The following LPAR1 variants were observed in gnomAD, a reference collection of about 807,000 sequenced individuals.
LPAR1 encodes LPA receptor 1.
Under a neutral mutation model 23.8 loss-of-function variants are expected in LPAR1, and 5 were observed. The ratio of observed to expected loss-of-function variants is 0.21; its 90% CI spans 0.11 to 0.44. The LOEUF (loss-of-function observed/expected upper bound fraction) is 0.44, where lower values mean the gene tolerates loss of function less well. LPAR1 is among the 20% of genes least tolerant of loss of function. The pLI is 0.99. For missense variants in LPAR1, 311 were observed against 482.8 expected (o/e 0.64, Z 3.33); for synonymous variants, 160 against 164.7 (o/e 0.97, Z 0.22).
At chr9:110,974,432 G>A (rs1435537110) in intron 2 of LPAR1, among the ~76,000 whole-genome samples, 4 of 152,186 alleles carry the variant, frequency 2.6e-5, no homozygotes, top group Admixed American at 2.6e-4. Context: ...CTGGGCAAAT[G>A]AGGAGCTCAG....
At chr9:110,934,434 A>T (rs2135839681) in intron 5 of LPAR1, 1 of 152,346 alleles carries the variant, frequency 6.6e-6, no homozygotes, top group East Asian at 1.9e-4. Context: ...GACGTGTACA[A>T]CTAATTGATT....
chr9:111,031,759 G>A (rs542040834), intron 2 of LPAR1, among the ~76,000 whole-genome samples: 2 of 152,192 alleles, frequency 1.3e-5, no homozygotes, highest in South Asian at 2.1e-4. Flanking sequence ...ACACAGCTAT[G>A]TCTATCTCTA....
intron 2 of LPAR1, among the ~76,000 whole-genome samples, chr9:111,020,920 T>G (rs2097548521): frequency 6.6e-6 from 1 of 152,228 alleles, no homozygotes; most frequent in South Asian, 2.1e-4. Flanking sequence ...AATATTTTAC[T>G]ATGAATGAGG....
chr9:110,986,046 G>A (rs2096774529), intron 2 of LPAR1, among the ~76,000 whole-genome samples: 1 of 152,086 alleles, frequency 6.6e-6, no homozygotes, highest in Admixed American at 6.6e-5. Context: ...CTCTTGAAAA[G>A]TAGAACTCTA....
intron 1 of LPAR1, among the ~76,000 whole-genome samples, chr9:111,037,481 C>T (rs2097915273): frequency 6.6e-6 from 1 of 152,244 alleles, no homozygotes; most frequent in South Asian, 2.1e-4. Context: ...AATCCATTCA[C>T]CACAAAGGAG....
intron 2 of LPAR1, among the ~76,000 whole-genome samples, chr9:110,978,783 A>G (rs2096610704): frequency 6.6e-6 from 1 of 152,218 alleles, no homozygotes; most frequent in Admixed American, 6.6e-5. Flanking sequence ...TAGGTTTAAC[A>G]ATAGTAACAT....
chr9:110,912,704 G>C (rs932906915), intron 5 of LPAR1, among the ~76,000 whole-genome samples: 1 of 152,104 alleles, frequency 6.6e-6, no homozygotes, highest in Admixed American at 6.5e-5. Context: ...GCTGGAGACA[G>C]CGTCTCCATA....
chr9:110,982,421 AAC>A (rs1430904924), intron 2 of LPAR1, among the ~76,000 whole-genome samples: 2 of 152,056 alleles, frequency 1.3e-5, no homozygotes, highest in African/African-American at 4.8e-5. Context: ...GTGGGAGTTG[AAC>A]AATAAGAACA....
At chr9:111,008,186 T>A (rs1024510938) in intron 2 of LPAR1, among the ~76,000 whole-genome samples, 2 of 149,304 alleles carry the variant, frequency 1.3e-5, no homozygotes, top group Non-Finnish European at 3.0e-5. Flanking sequence ...AAAAAAAAAA[T>A]CTTATTAATA....
At chr9:111,030,372 C>T (rs970030953) in intron 2 of LPAR1, among the ~76,000 whole-genome samples, 14 of 152,220 alleles carry the variant, frequency 9.2e-5, no homozygotes, top group African/African-American at 3.1e-4. Flanking sequence ...TAACAAAAGG[C>T]AATTCTGTTT....
chr9:110,935,582 A>G (rs945875436), intron 5 of LPAR1, among the ~76,000 whole-genome samples: 1 of 152,198 alleles, frequency 6.6e-6, no homozygotes, highest in Non-Finnish European at 1.5e-5. Context: ...TGAGCTCACG[A>G]GTTCAACACC....
At chr9:110,880,748 G>A (rs541776156) in intron 5 of LPAR1, among the ~76,000 whole-genome samples, 23 of 152,310 alleles carry the variant, frequency 1.5e-4, no homozygotes, top group African/African-American at 5.5e-4. Context: ...GGAATCAAGG[G>A]AGAAAATAAA....
At chr9:110,945,076 T>C (rs2095323922) in intron 4 of LPAR1, among the ~76,000 whole-genome samples, 1 of 152,196 alleles carries the variant, frequency 6.6e-6, no homozygotes, top group South Asian at 2.1e-4. Context: ...ACAATAGGAC[T>C]GAACTGATAG....
intron 2 of LPAR1, among the ~76,000 whole-genome samples, chr9:111,021,594 T>C (rs902505422): frequency 1.3e-5 from 2 of 152,218 alleles, no homozygotes; most frequent in African/African-American, 4.8e-5. Context: ...TATTTTTCCA[T>C]GTTTGCTGAA....
At chr9:110,998,325 T>C (rs1267195161) in intron 2 of LPAR1, among the ~76,000 whole-genome samples, 1 of 152,216 alleles carries the variant, frequency 6.6e-6, no homozygotes, top group African/African-American at 2.4e-5. Flanking sequence ...AAAGGCAAAT[T>C]TGGAATTTTA....
chr9:111,036,514 C>G (rs1325459323), intron 1 of LPAR1, among the ~76,000 whole-genome samples: 1 of 152,086 alleles, frequency 6.6e-6, no homozygotes, highest in African/African-American at 2.4e-5. Flanking sequence ...TCCTACTGCT[C>G]TAACACAATA....
chr9:110,906,846 T>C (rs989548780), intron 5 of LPAR1, among the ~76,000 whole-genome samples: 2 of 152,112 alleles, frequency 1.3e-5, no homozygotes, highest in Non-Finnish European at 2.9e-5. Flanking sequence ...AAAGTTTCTA[T>C]GGAGTGACAT....
intron 4 of LPAR1, among the ~76,000 whole-genome samples, chr9:110,960,107 T>C (rs544552619): frequency 6.6e-6 from 1 of 152,200 alleles, no homozygotes; most frequent in African/African-American, 2.4e-5. Flanking sequence ...GTGGCTATAG[T>C]TAACGAAAAT....
rs751005694 is a variant in LPAR1, at chr9:110,941,521, A to G, written c.693T>C (p.Tyr231=). 7.4e-6 allele frequency: 12 copies of G among 1,614,182 alleles called. No homozygotes were observed. The highest frequency in any genetic ancestry group is 8.5e-6 in the Non-Finnish European group (10 of 1,180,008). The change falls in exon 5 of 6, where the codon TAT becomes TAC. Residue 231 remains tyrosine, a synonymous_variant. Coordinates refer to ENST00000683809, the MANE Select transcript of LPAR1 (RefSeq NM_001351411.2). This position sits in a 1 kb window ranked among gnomAD's most constrained non-coding sequence, Gnocchi z 6.1. The part of the protein sequence containing the change: ...MVVLYAHIFG[Y]VRQRTMRMSR... ...ACATTCTCATAGTCCTCTGGCGAAC[A>G]TAGCCAAAGATGTGAGCATAGAGAA...
Sources: gnomAD v4.1 joint callset for allele counts (sites outside exome capture counted in the v4.1 genomes callset) on GRCh38, gnomAD v4.1.1 for gene constraint, Gnocchi (gnomAD v3.1) non-coding constraint, MANE v1.5 for transcripts, NCBI Gene and HGNC (gene_info 2026-07-23, HGNC 2026-07-21) for gene names.